The following DCAF7 variants were observed in gnomAD, a reference collection of about 807,000 sequenced individuals.
DCAF7 encodes DDB1- and CUL4-associated factor 7.
In DCAF7, 4 loss-of-function variants were observed where a neutral mutation model predicts 41.2. The observed-to-expected ratio is 0.10, with a 90% CI of 0.05 to 0.22. The LOEUF is 0.22. Ranked by LOEUF, DCAF7 falls within the 10% of genes least tolerant of loss-of-function variation. The probability of loss-of-function intolerance (pLI) is 1.00; values close to 1 mark genes in which losing one functional copy is unlikely to be tolerated. For synonymous variants in DCAF7, 143 were observed against 164.2 expected (o/e 0.87, Z 0.99); for missense variants, 131 against 443.2 (o/e 0.30, Z 6.32).
intron 1 of DCAF7, among the ~76,000 whole-genome samples, chr17:63,574,818 C>A (rs2033544132): frequency 6.6e-6 from 1 of 151,188 alleles, no homozygotes; most frequent in African/African-American, 2.4e-5. Flanking sequence ...ACAAAAAATA[C>A]AAAAATTAGC....
chr17:63,565,364 T>A (rs547125949), intron 1 of DCAF7, among the ~76,000 whole-genome samples: 1 of 151,950 alleles, frequency 6.6e-6, no homozygotes, highest in Non-Finnish European at 1.5e-5. Flanking sequence ...CACCTGGGGT[T>A]GGGAGTTGGA....
chr17:63,589,524 C>A lies in DCAF7; in HGVS notation c.*352C>A. On this transcript the variant is annotated 3_prime_UTR_variant, in exon 7 of 7. Transcript: ENST00000614556. ...TGTCTATTCCTCTGCCCAGGTGTCT[C>A]TGTTTGCTGCCCAAGGCAGCAGTTC... The A allele has an allele frequency of 3.0e-6, 1 of 338,326 alleles. No homozygotes were observed. The allele number at this position is 338,326 out of a possible 1,614,324, so 21.0% of individuals were successfully genotyped here.
chr17:63,562,039 A>G (rs920504655), intron 1 of DCAF7, among the ~76,000 whole-genome samples: 3 of 151,974 alleles, frequency 2.0e-5, no homozygotes, highest in African/African-American at 7.2e-5. Context: ...CTTAGGGGGA[A>G]AAAGAACATG....
At position 63,570,351 on chromosome 17, in the gene DCAF7, G is replaced by A. The variant is rs142910918; in HGVS notation, c.139-8119G>A. Among the ~76,000 whole-genome samples the A allele has an allele frequency of 9.3e-3, 1,413 of 152,240 alleles. 32 individuals carry two copies. The highest frequency in any genetic ancestry group is 0.033 in the African/African-American group (1,367 of 41,538). On this transcript the variant is annotated intron_variant, in intron 1 of 6. Transcript: ENST00000614556. Reference sequence around the variant, plus strand: ...CACCTGTAATCCCAGCTACTCGGGAGGCTGAGGCACAAGAATCGCTTGAAC... The same window carrying A: ...CACCTGTAATCCCAGCTACTCGGGAAGCTGAGGCACAAGAATCGCTTGAAC...
chr17:63,551,314 C>CCG (rs1446020451), intron 1 of DCAF7, among the ~76,000 whole-genome samples: 1 of 149,574 alleles, frequency 6.7e-6, no homozygotes, highest in Non-Finnish European at 1.5e-5. Flanking sequence ...CCCACCCCCC[C>CCG]CGGGTACTCA....
Position 63,550,887 on chromosome 17 carries a change from C to G in DCAF7, c.138+72C>G. The G allele has an allele frequency of 6.4e-7, 1 of 1,558,296 alleles. No homozygotes were observed. The highest frequency in any genetic ancestry group is 8.7e-7 in the Non-Finnish European group (1 of 1,153,420). On this transcript the variant is annotated intron_variant, in intron 1 of 6. Coordinates refer to ENST00000614556, the MANE Select transcript of DCAF7 (RefSeq NM_005828.5). This position sits in a 1 kb window ranked among gnomAD's most constrained non-coding sequence, Gnocchi z 4.8. ...CGGGAGCGCCCTTTCCGGGCCGGAG[C>G]CCAGGCCTCAGAACCCTCTTGCGGA...
rs2033585284 is a variant in DCAF7, at chr17:63,578,389, C to T, written c.139-81C>T. 2.5e-6 allele frequency: 4 copies of T among 1,572,450 alleles called. No homozygotes were observed. The South Asian group carries it at 3.4e-5, about 14-fold the overall frequency. ...TAAAACAAAAAACAAACAAAAAAAA[C>T]CTCTGTCACTGACCAGGGATCTAAT... On this transcript the variant is annotated intron_variant, in intron 1 of 6. Coordinates refer to ENST00000614556, the MANE Select transcript of DCAF7 (RefSeq NM_005828.5).
At chr17:63,580,161 G>C (rs1042260282) in intron 4 of DCAF7, among the ~76,000 whole-genome samples, 1 of 151,836 alleles carries the variant, frequency 6.6e-6, no homozygotes, top group Non-Finnish European at 1.5e-5. Context: ...CCTATTCTAC[G>C]GTCTGTCATT....
intron 1 of DCAF7, among the ~76,000 whole-genome samples, chr17:63,569,022 T>G (rs2033476153): frequency 6.6e-6 from 1 of 152,330 alleles, no homozygotes; most frequent in African/African-American, 2.4e-5. Flanking sequence ...TCTAGCACAT[T>G]AATTCTCAAC....
At chr17:63,577,204 T>TACATTTA (rs2033571911) in intron 1 of DCAF7, among the ~76,000 whole-genome samples, 1 of 152,140 alleles carries the variant, frequency 6.6e-6, no homozygotes, top group African/African-American at 2.4e-5. Flanking sequence ...ACTGTGGGGG[T>TACATTTA]TATACAACTG....
At chr17:63,579,168 A>G (rs1297214637) in intron 2 of DCAF7, among the ~76,000 whole-genome samples, 169 bp from the exon 3 acceptor site, 1 of 152,232 alleles carries the variant, frequency 6.6e-6, no homozygotes, top group Non-Finnish European at 1.5e-5. Flanking sequence ...AGGAGAAAGT[A>G]TGGGAAAAAG....
intron 1 of DCAF7, among the ~76,000 whole-genome samples, chr17:63,570,450 T>A (rs1026528822): frequency 6.6e-6 from 1 of 150,688 alleles, no homozygotes; most frequent in Non-Finnish European, 1.5e-5. Flanking sequence ...AGACTCCGTC[T>A]CAAAAAAAAA....
rs1470598971 is a variant in DCAF7 at position 63,579,808 on chromosome 17, G to A, written c.410-17G>A. 6.2e-7 allele frequency: 1 copy of A among 1,606,984 alleles called. No homozygotes were observed. Among genetic ancestry groups the A allele is most frequent in the South Asian group, 1.1e-5 (1 of 90,886 alleles). Reference sequence around the variant, plus strand: ...ACCTTGGTCCCGTCAGCCCTGACTTGCACTGGTTGTTTGCAGGTACCTCAA... The same window carrying A: ...ACCTTGGTCCCGTCAGCCCTGACTTACACTGGTTGTTTGCAGGTACCTCAA... On this transcript the variant is annotated splice_polypyrimidine_tract_variant and intron_variant, in intron 3 of 6. Coordinates refer to ENST00000614556, the MANE Select transcript of DCAF7 (RefSeq NM_005828.5).
intron 1 of DCAF7, among the ~76,000 whole-genome samples, chr17:63,567,554 T>G (rs139920270): frequency 1.7e-4 from 26 of 152,354 alleles, no homozygotes; most frequent in African/African-American, 5.8e-4. Flanking sequence ...TGGAAAGAGA[T>G]GAATTTCTGG....
chr17:63,580,256 T>G (rs1474610792), intron 4 of DCAF7, among the ~76,000 whole-genome samples: 2 of 152,084 alleles, frequency 1.3e-5, no homozygotes, highest in African/African-American at 4.8e-5. Context: ...AAAAAATAAC[T>G]TTAGAGTAAT....
At chr17:63,580,739 C>T (rs773511369) in intron 4 of DCAF7, among the ~76,000 whole-genome samples, 1 of 151,962 alleles carries the variant, frequency 6.6e-6, no homozygotes, top group African/African-American at 2.4e-5. Context: ...AGGATTGTCT[C>T]GAACTCTCCT....
chr17:63,568,832 G>A (rs749958145), intron 1 of DCAF7, among the ~76,000 whole-genome samples: 2 of 152,138 alleles, frequency 1.3e-5, no homozygotes, highest in Non-Finnish European at 2.9e-5. Context: ...TTGCATGCTT[G>A]TCATTCTCAC....
chr17:63,567,459 T>C (rs563023569), intron 1 of DCAF7, among the ~76,000 whole-genome samples: 1 of 152,306 alleles, frequency 6.6e-6, no homozygotes, highest in Non-Finnish European at 1.5e-5. Flanking sequence ...GAAACTAGGC[T>C]GTGTGATTAG....
At chr17:63,566,738 C>T (rs1242471330) in intron 1 of DCAF7, among the ~76,000 whole-genome samples, 2 of 152,090 alleles carry the variant, frequency 1.3e-5, no homozygotes, top group Non-Finnish European at 2.9e-5. Context: ...CCTATCTCTA[C>T]AGACAATTCA....
Sources: allele counts gnomAD v4.1 joint callset (sites outside exome capture counted in the v4.1 genomes callset), GRCh38; gene constraint gnomAD v4.1.1; non-coding constraint Gnocchi (gnomAD v3.1); transcripts MANE v1.5; gene names NCBI Gene and HGNC (gene_info 2026-07-23, HGNC 2026-07-21).